The following TMEM132C variants were observed in gnomAD, a reference collection of about 807,000 sequenced individuals.
TMEM132C encodes protein phosphatase 1, regulatory subunit 152.
In TMEM132C, 29 loss-of-function variants were observed where a neutral mutation model predicts 61.4. The ratio of observed to expected loss-of-function variants is 0.47; its 90% CI spans 0.35 to 0.64. The LOEUF (loss-of-function observed/expected upper bound fraction) is 0.64, where lower values mean the gene tolerates loss of function less well. Ranked by LOEUF, TMEM132C falls within the 30% of genes least tolerant of loss-of-function variation. The pLI, the probability that TMEM132C is intolerant of heterozygous loss-of-function variation, is 0.00. For missense variants in TMEM132C, 1,408 were observed against 1,476.9 expected (o/e 0.95, Z 0.76); for synonymous variants, 656 against 633.1 (o/e 1.04, Z -0.54).
At chr12:128,695,401 G>A (rs1372492904) in intron 6 of TMEM132C, among the ~76,000 whole-genome samples, 1 of 151,896 alleles carries the variant, frequency 6.6e-6, no homozygotes, top group Non-Finnish European at 1.5e-5. Context: ...GTCCATGCCT[G>A]TATTCCCAGC....
chr12:128,585,925 G>C (rs1396659780), intron 3 of TMEM132C, among the ~76,000 whole-genome samples: 1 of 152,212 alleles, frequency 6.6e-6, no homozygotes, highest in East Asian at 1.9e-4. Context: ...AATGGGGACA[G>C]AGGTTTAGTT....
chr12:128,587,495 G>A (rs1449127454), intron 3 of TMEM132C, among the ~76,000 whole-genome samples: 1 of 152,206 alleles, frequency 6.6e-6, no homozygotes, highest in Non-Finnish European at 1.5e-5. Flanking sequence ...CACCTCGGGG[G>A]CTTAGATTTC....
intron 1 of TMEM132C, among the ~76,000 whole-genome samples, chr12:128,340,843 TTC>T (rs769730520): frequency 8.1e-4 from 106 of 130,260 alleles, no homozygotes; most frequent in Non-Finnish European, 1.2e-3. Context: ...CTCTCTCTCT[TTC>T]TCTCTTTCTT....
intron 2 of TMEM132C, among the ~76,000 whole-genome samples, chr12:128,494,127 G>A (rs1421108378): frequency 6.6e-6 from 1 of 152,106 alleles, no homozygotes; most frequent in Non-Finnish European, 1.5e-5. Context: ...TTTGTCTTTG[G>A]TTCTGTTTAT....
intron 3 of TMEM132C, among the ~76,000 whole-genome samples, chr12:128,555,071 C>T (rs571375126): frequency 3.3e-5 from 5 of 152,144 alleles, no homozygotes; most frequent in Non-Finnish European, 4.4e-5. Context: ...GAGCCAGCAT[C>T]GTGCTTCAGG....
At chr12:128,343,256 T>A (rs1873036680) in intron 1 of TMEM132C, among the ~76,000 whole-genome samples, 2 of 152,016 alleles carry the variant, frequency 1.3e-5, no homozygotes, top group South Asian at 4.2e-4. Flanking sequence ...AAACCCCGTC[T>A]CTACTAAAAA....
chr12:128,606,966 TAAG>T (rs1391427467), intron 3 of TMEM132C, among the ~76,000 whole-genome samples: 3 of 152,036 alleles, frequency 2.0e-5, no homozygotes, highest in Non-Finnish European at 4.4e-5. Flanking sequence ...ACATTTTAGA[TAAG>T]AGGAGGTGGA....
chr12:128,376,008 TG>T (rs1457587723), intron 1 of TMEM132C, among the ~76,000 whole-genome samples: 1 of 152,212 alleles, frequency 6.6e-6, no homozygotes, highest in Non-Finnish European at 1.5e-5. Context: ...TGAGGCTGCC[TG>T]CGGTGGGAAG....
intron 2 of TMEM132C, among the ~76,000 whole-genome samples, chr12:128,512,861 C>T (rs1309963407): frequency 6.6e-6 from 1 of 152,184 alleles, no homozygotes; most frequent in African/African-American, 2.4e-5. Context: ...AAGCCACACA[C>T]ACAAAACAAG....
At chr12:128,438,220 T>G (rs1263103199) in intron 2 of TMEM132C, 1 of 152,092 alleles carries the variant, frequency 6.6e-6, no homozygotes, top group Non-Finnish European at 1.5e-5. Flanking sequence ...AACCCCAGTG[T>G]TGGAGTTGGG....
chr12:128,378,332 G>A (rs958157283), intron 1 of TMEM132C, among the ~76,000 whole-genome samples: 3 of 151,992 alleles, frequency 2.0e-5, no homozygotes, highest in African/African-American at 7.2e-5. Flanking sequence ...TAGCCAGGAT[G>A]GTCTCGATCT....
chr12:128,582,086 A>G (rs1178373504), intron 3 of TMEM132C, among the ~76,000 whole-genome samples: 3 of 152,228 alleles, frequency 2.0e-5, no homozygotes, highest in Non-Finnish European at 4.4e-5. Context: ...GGAGACCACC[A>G]TAGAAGAGGA....
intron 1 of TMEM132C, among the ~76,000 whole-genome samples, chr12:128,379,953 G>A (rs1350366405): frequency 1.3e-5 from 2 of 152,200 alleles, no homozygotes; most frequent in Non-Finnish European, 2.9e-5. Flanking sequence ...AGTATGGGTG[G>A]AGATAGAGAC....
At chr12:128,542,380 G>A (rs1053683874) in intron 2 of TMEM132C, among the ~76,000 whole-genome samples, 7 of 152,122 alleles carry the variant, frequency 4.6e-5, no homozygotes, top group East Asian at 3.9e-4. Context: ...ATCTCAGCTC[G>A]CTGCAACCTC....
chr12:128,445,257 A>G (rs967944231), intron 2 of TMEM132C, among the ~76,000 whole-genome samples: 1 of 152,142 alleles, frequency 6.6e-6, no homozygotes, highest in Admixed American at 6.6e-5. Context: ...ATCTAATTTA[A>G]ACAGTTCAGC....
chr12:128,624,310 C>G (rs1409685188), intron 4 of TMEM132C, among the ~76,000 whole-genome samples: 3 of 151,932 alleles, frequency 2.0e-5, no homozygotes, highest in African/African-American at 7.3e-5. Context: ...CTTTGGGAGC[C>G]CGAGGCGAGT....
At chr12:128,312,301 G>A (rs188122404) in intron 1 of TMEM132C, among the ~76,000 whole-genome samples, 3 of 152,216 alleles carry the variant, frequency 2.0e-5, no homozygotes, top group Non-Finnish European at 2.9e-5. Flanking sequence ...GACTGGTGGG[G>A]TTTTTGTTTG....
At chr12:128,383,784 A>G (rs1874491781) in intron 1 of TMEM132C, among the ~76,000 whole-genome samples, 1 of 152,178 alleles carries the variant, frequency 6.6e-6, no homozygotes, top group Non-Finnish European at 1.5e-5. Context: ...GGAAAAGGCT[A>G]AGCCATTTTG....
intron 4 of TMEM132C, among the ~76,000 whole-genome samples, chr12:128,652,314 G>C (rs989142457): frequency 6.6e-6 from 1 of 152,256 alleles, no homozygotes; most frequent in Non-Finnish European, 1.5e-5. Context: ...CTGCAAGGAA[G>C]CTTTCCCCTT....
Sources: gnomAD v4.1 joint callset for allele counts (sites outside exome capture counted in the v4.1 genomes callset) on GRCh38, gnomAD v4.1.1 for gene constraint, MANE v1.5 for transcripts, NCBI Gene and HGNC (gene_info 2026-07-23, HGNC 2026-07-21) for gene names.